NCOA7: variants seen among roughly 807,000 people sequenced by gnomAD.
NCOA7 encodes nuclear receptor coactivator 7, also known as 140 kDa estrogen receptor-associated protein.
A neutral mutation model predicts 104.3 loss-of-function variants in NCOA7; 45 were observed. That is an observed-to-expected ratio of 0.43 (90% CI 0.34 to 0.55). The LOEUF (loss-of-function observed/expected upper bound fraction) is 0.55, where lower values mean the gene tolerates loss of function less well. NCOA7 is among the 20% of genes least tolerant of loss of function. The pLI is 0.02. For missense variants in NCOA7, 1,041 were observed against 1,119.7 expected, an observed-to-expected ratio of 0.93 and a Z score of 1.00; for synonymous variants, 398 against 402.3, an observed-to-expected ratio of 0.99 and a Z score of 0.13.
chr6:125,804,427 G>A (rs1776220828), intron 1 of NCOA7, among the ~76,000 whole-genome samples: 1 of 152,124 alleles, frequency 6.6e-6, no homozygotes, highest in South Asian at 2.1e-4. Flanking sequence ...CACACCTCTT[G>A]TGACAGGTAA....
intron 13 of NCOA7, among the ~76,000 whole-genome samples, chr6:125,924,088 A>C (rs1787816352): frequency 6.6e-6 from 1 of 152,222 alleles, no homozygotes; most frequent in Admixed American, 6.5e-5. Flanking sequence ...TAATGATAAC[A>C]GTTGGTTTAA....
At chr6:125,798,255 G>T (rs1315207311) in intron 1 of NCOA7, 1 of 152,226 alleles carries the variant, frequency 6.6e-6, no homozygotes, top group African/African-American at 2.4e-5. Context: ...GTTAAAAGCA[G>T]GAATGCCAGA....
chr6:125,915,906 A>G (rs186888348), intron 11 of NCOA7, among the ~76,000 whole-genome samples: 47 of 152,336 alleles, frequency 3.1e-4, no homozygotes, highest in Non-Finnish European at 1.2e-4. Flanking sequence ...CATAGTTATT[A>G]TGTGTCACAA....
rs140935748 is a variant in NCOA7 at position 125,839,333 on chromosome 6, G to C, written c.51-15687G>C. 5.1e-3 allele frequency among the ~76,000 whole-genome samples: 782 copies of C among 152,272 alleles called. 4 individuals are homozygous for C. The highest frequency in any genetic ancestry group is 6.9e-3 in the Non-Finnish European group (467 of 68,022). The stretch of plus-strand genomic sequence containing the variant: ...GGGTTTCACCATTTTGGCTAGGCTG[G>C]TCTTGAACTCCTGATTCAAGTAATC... On this transcript the variant is annotated intron_variant, in intron 2 of 15. Coordinates refer to ENST00000392477, the MANE Select transcript of NCOA7 (RefSeq NM_181782.5).
intron 3 of NCOA7, among the ~76,000 whole-genome samples, chr6:125,874,271 G>A (rs1370416435): frequency 6.6e-6 from 1 of 152,210 alleles, no homozygotes; most frequent in Non-Finnish European, 1.5e-5. Context: ...GTTGCAGTGA[G>A]CCGAGATCGT....
At chr6:125,848,967 T>G (rs1335394852) in intron 2 of NCOA7, among the ~76,000 whole-genome samples, 1 of 152,110 alleles carries the variant, frequency 6.6e-6, no homozygotes, top group Non-Finnish European at 1.5e-5. Flanking sequence ...TTAAATCAAC[T>G]TAAAGTGGAA....
At chr6:125,922,353 G>T (rs1787659782) in intron 12 of NCOA7, among the ~76,000 whole-genome samples, 1 of 152,116 alleles carries the variant, frequency 6.6e-6, no homozygotes, top group African/African-American at 2.4e-5. Flanking sequence ...TTTGGTAAAA[G>T]CCAGGTTGAA....
At chr6:125,837,245 A>G (rs1259856902) in intron 2 of NCOA7, among the ~76,000 whole-genome samples, 4 of 152,080 alleles carry the variant, frequency 2.6e-5, no homozygotes, top group African/African-American at 9.7e-5. Flanking sequence ...TTTGTTTCTC[A>G]TTCATTCATT....
At chr6:125,831,689 T>C (rs1779197093) in intron 2 of NCOA7, among the ~76,000 whole-genome samples, 1 of 152,224 alleles carries the variant, frequency 6.6e-6, no homozygotes, top group African/African-American at 2.4e-5. Flanking sequence ...GGACTAGACC[T>C]GTTTTCTCTC....
chr6:125,846,361 ATTT>A (rs139496689), intron 2 of NCOA7, among the ~76,000 whole-genome samples: 46,182 of 148,184 alleles, frequency 0.31, 7,413 homozygotes, highest in South Asian at 0.45. Context: ...AGAAAAAAAA[ATTT>A]TTTTTTTTTT....
At chr6:125,838,819 G>A (rs1225926550) in intron 2 of NCOA7, among the ~76,000 whole-genome samples, 1 of 152,084 alleles carries the variant, frequency 6.6e-6, no homozygotes, top group East Asian at 1.9e-4. Context: ...CTGCGCAGGG[G>A]ACTCAGGAAA....
chr6:125,795,925 C>A (rs1366989227), intron 1 of NCOA7, among the ~76,000 whole-genome samples: 1 of 151,104 alleles, frequency 6.6e-6, no homozygotes, highest in African/African-American at 2.4e-5. Context: ...TGTTTGTGGA[C>A]CCCCAAGTTA....
chr6:125,879,093 A>T (rs573636262), intron 5 of NCOA7, among the ~76,000 whole-genome samples: 1 of 152,314 alleles, frequency 6.6e-6, no homozygotes, highest in African/African-American at 2.4e-5. Flanking sequence ...TCATCCATCC[A>T]TTACTCTAGT....
chr6:125,898,758 C>T (rs1027333097), intron 10 of NCOA7, among the ~76,000 whole-genome samples: 2 of 152,012 alleles, frequency 1.3e-5, no homozygotes, highest in Non-Finnish European at 2.9e-5. Context: ...TTGTGCCCAG[C>T]CTATAATACA....
chr6:125,888,519 T>TA (rs1158677626), intron 8 of NCOA7, among the ~76,000 whole-genome samples: 1 of 141,482 alleles, frequency 7.1e-6, no homozygotes, highest in Non-Finnish European at 1.5e-5. Flanking sequence ...CACTATTTGA[T>TA]AAAAAGGAAA....
In NCOA7 at chr6:125,882,539, C is replaced by A; in HGVS notation, c.687C>A (p.Phe229Leu). The A allele has an allele frequency of 6.2e-7, 1 of 1,612,824 alleles. No individual in the cohort carries two copies. The highest frequency in any genetic ancestry group is 8.5e-7 in the Non-Finnish European group (1 of 1,179,352). ...VKFLKMNCRY[F>L]TDGKGVVGGV... is the part of the protein sequence containing the mutation. ...TTTTAAAAATGAATTGTCGATACTT[C>A]ACCGATGGAAAGGTATATAGCAATG... The change falls in exon 7 of 16, where the codon TTC (phenylalanine) becomes TTA (leucine). Residue 229 changes from phenylalanine to leucine, a missense_variant. By Grantham distance (22) the Phe-to-Leu change is conservative. This residue lies in a region of NCOA7 where 914 missense variants were observed against 942.7 expected (regional missense o/e 0.97). Coordinates refer to ENST00000392477, the MANE Select transcript of NCOA7 (RefSeq NM_181782.5).
chr6:125,803,314 GT>G (rs1272990079), intron 1 of NCOA7, among the ~76,000 whole-genome samples: 1 of 152,114 alleles, frequency 6.6e-6, no homozygotes, highest in Non-Finnish European at 1.5e-5. Context: ...TCATGCCCCT[GT>G]TTCCTGATTA....
intron 4 of NCOA7, among the ~76,000 whole-genome samples, chr6:125,875,885 C>T (rs1014801298): frequency 2.6e-5 from 4 of 152,136 alleles, no homozygotes; most frequent in Non-Finnish European, 4.4e-5. Context: ...GGTGTGTGTT[C>T]ATTACTACAA....
chr6:125,926,328 A>AG (rs1282864197), intron 13 of NCOA7, among the ~76,000 whole-genome samples: 2 of 149,864 alleles, frequency 1.3e-5, no homozygotes, highest in African/African-American at 4.9e-5. Flanking sequence ...AAAAAAAGGG[A>AG]GGGGGGTGGT....
Sources: gnomAD v4.1 joint callset for allele counts (sites outside exome capture counted in the v4.1 genomes callset) on GRCh38, gnomAD v4.1.1 for gene constraint, gnomAD v4.1.1 regional missense constraint, MANE v1.5 for transcripts, NCBI Gene and HGNC (gene_info 2026-07-23, HGNC 2026-07-21) for gene names.